SPRYD3: variants seen among roughly 807,000 people sequenced by gnomAD.
SPRYD3 encodes the protein SPRY domain-containing protein 3.
In SPRYD3, 17 loss-of-function variants were observed where a neutral mutation model predicts 50.1. The ratio of observed to expected loss-of-function variants is 0.34; its 90% CI spans 0.23 to 0.51. The LOEUF is 0.51. Ranked by LOEUF, SPRYD3 falls within the 20% of genes least tolerant of loss-of-function variation. SPRYD3 has a pLI of 0.97. For missense variants in SPRYD3, 401 were observed against 591.2 expected (o/e 0.68, Z 3.34); for synonymous variants, 198 against 215.5 (o/e 0.92, Z 0.71).
intron 6 of SPRYD3, 29 bp downstream of exon 6, chr12:53,073,257 C>CCCCCGGGGGGGGGGGGGGGGG: frequency 8.2e-6 from 3 of 363,996 alleles, no homozygotes; most frequent in Non-Finnish European, 1.5e-5. Context: ...TCCGACCCAG[C>CCCCCGGGGGGGGGGGGGGGGG]CCCTCCCACC....
intron 6 of SPRYD3, among the ~76,000 whole-genome samples, chr12:53,069,330 C>T (rs1395111054): frequency 6.6e-6 from 1 of 152,296 alleles, no homozygotes. Flanking sequence ...GGACCTCCTC[C>T]ACGTCTCCCT....
chr12:53,075,679 T>G, intron 3 of SPRYD3, 57 bp downstream of exon 3: 3 of 1,387,384 alleles, frequency 2.2e-6, no homozygotes, highest in Non-Finnish European at 3.1e-6. Context: ...TTCTTGGGGC[T>G]TAATGATCTC....
Position 53,066,457 on chromosome 12 carries a change from T to A in SPRYD3, c.1051A>T (p.Ile351Phe). Residue 351 changes from isoleucine (I) to phenylalanine (F), a missense_variant, in exon 10 of 11, where the codon ATC becomes TTC. Physicochemically the swap from Ile to Phe is conservative, Grantham distance 21. Coordinates refer to ENST00000301463, the MANE Select transcript of SPRYD3 (RefSeq NM_032840.3). The part of the protein sequence containing the change: ...GDSDDSCDTV[I>F]LSPTARAVRN... ...ACGGCCCGGGCAGTCGGAGACAGGATCACTGTGTCACAACTGTCATCACTG... is the reference window on the plus strand; with the variant it reads ...ACGGCCCGGGCAGTCGGAGACAGGAACACTGTGTCACAACTGTCATCACTG... 1 of 1,614,046 alleles carries A rather than the reference T, an allele frequency of 6.2e-7. No individual in the cohort carries two copies. Among genetic ancestry groups the A allele is most frequent in the Non-Finnish European group, 8.5e-7 (1 of 1,179,998 alleles).
intron 3 of SPRYD3, 100 bp from the exon 4 acceptor site, chr12:53,075,319 T>C: frequency 7.7e-7 from 1 of 1,292,040 alleles, no homozygotes; most frequent in Non-Finnish European, 1.1e-6. Context: ...GCGCTGAGGC[T>C]CAAAAAGAAA....
At chr12:53,073,256 G>GGC in intron 6 of SPRYD3, 30 bp downstream of exon 6, 1 of 424,134 alleles carries the variant, frequency 2.4e-6, no homozygotes, top group African/African-American at 2.2e-5. Context: ...CTCCGACCCA[G>GGC]CCCCTCCCAC....
rs1157454882 is a variant in SPRYD3 at position 53,065,280 on chromosome 12, G to A, written c.*552C>T. Reference sequence around the variant, plus strand: ...TCAAGGGAAAGATGGAGAGCCTAGAGGAGTCTTCCTGGGGCAGCAGCCAGT... The same window carrying A: ...TCAAGGGAAAGATGGAGAGCCTAGAAGAGTCTTCCTGGGGCAGCAGCCAGT... On this transcript the variant is annotated 3_prime_UTR_variant, in exon 11 of 11. Coordinates refer to ENST00000301463, the MANE Select transcript of SPRYD3 (RefSeq NM_032840.3). 5 of 153,000 alleles carry A rather than the reference G, an allele frequency of 3.3e-5. No individual in the cohort carries two copies. The highest frequency in any genetic ancestry group is 1.5e-5 in the Non-Finnish European group (1 of 68,376). 9.5% of individuals were successfully genotyped at this position (153,000 alleles called of 1,614,324 possible).
chr12:53,069,975 G>A (rs1944537588), intron 6 of SPRYD3, among the ~76,000 whole-genome samples: 1 of 152,190 alleles, frequency 6.6e-6, no homozygotes, highest in African/African-American at 2.4e-5. Context: ...CCTGATCCTT[G>A]GGAAATACCC....
intron 6 of SPRYD3, among the ~76,000 whole-genome samples, chr12:53,069,159 G>A (rs1944531576): frequency 6.6e-6 from 1 of 152,076 alleles, no homozygotes; most frequent in Non-Finnish European, 1.5e-5. Context: ...TTTGTCAGTT[G>A]TCATGGTAAT....
At chr12:53,075,036 C>T (rs753769535) in intron 4 of SPRYD3, 59 bp downstream of exon 4, 8 of 1,594,396 alleles carry the variant, frequency 5.0e-6, no homozygotes, top group Non-Finnish European at 5.2e-6. Context: ...GGTAGTTCTT[C>T]AGATCTAAGA....
intron 5 of SPRYD3, among the ~76,000 whole-genome samples, chr12:53,073,769 G>A (rs188964246): frequency 4.5e-4 from 68 of 151,846 alleles, no homozygotes; most frequent in African/African-American, 1.5e-3. Context: ...GCGTGAACCC[G>A]GGAGGCGGAG....
chr12:53,078,610 GTTCA>G (rs1944608022), intron 1 of SPRYD3, among the ~76,000 whole-genome samples: 2 of 152,184 alleles, frequency 1.3e-5, no homozygotes, highest in Admixed American at 1.3e-4. Flanking sequence ...TGTTGCAGCA[GTTCA>G]CATGAGAAAT....
At position 53,074,489 on chromosome 12, in the gene SPRYD3, G is replaced by A. The variant is rs771065452; in HGVS notation, c.507+160C>T. ...CCATGGGAAGTATCTTCTCCTACAC[G>A]CAAGAGACTTCAGGAGAATCTGAGG... On this transcript the variant is annotated intron_variant, in intron 5 of 10. Coordinates refer to ENST00000301463, the MANE Select transcript of SPRYD3 (RefSeq NM_032840.3). The surrounding 1 kb of genome is among the most constrained non-coding windows in gnomAD (Gnocchi z 4.6). 3.3e-5 allele frequency among the ~76,000 whole-genome samples: 5 copies of A among 152,154 alleles called. No homozygotes were observed. Among genetic ancestry groups the A allele is most frequent in the South Asian group, 2.1e-4 (1 of 4,830 alleles).
In SPRYD3 at chr12:53,074,599, T is replaced by C. The variant is rs1944574682; in HGVS notation, c.507+50A>G. ...ACTCTTCCTAATCACTCCCCACAAA[T>C]CCTTGGGCAGATTTCAGCCACGTAA... On this transcript the variant is annotated intron_variant, in intron 5 of 10. Transcript: ENST00000301463. The surrounding 1 kb of genome is among the most constrained non-coding windows in gnomAD (Gnocchi z 4.6). The C allele has an allele frequency of 6.2e-7, 1 of 1,612,058 alleles. No homozygotes were observed. Among genetic ancestry groups the C allele is most frequent in the African/African-American group, 1.3e-5 (1 of 74,904 alleles).
intron 6 of SPRYD3, among the ~76,000 whole-genome samples, chr12:53,069,338 C>T (rs937391614): frequency 6.6e-6 from 1 of 152,178 alleles, no homozygotes; most frequent in South Asian, 2.1e-4. Context: ...TCCACGTCTC[C>T]CTGGCAAGCT....
chr12:53,065,680 G>T lies in SPRYD3; in HGVS notation c.*152C>A. ...ACCAGGTCAGAAACGTGGGCACAGA[G>T]AAGCGTGACAGGGGCCTGAGCCAGT... is the stretch of plus-strand genomic sequence containing the variant. On this transcript the variant is annotated 3_prime_UTR_variant, in exon 11 of 11. Coordinates refer to ENST00000301463, the MANE Select transcript of SPRYD3 (RefSeq NM_032840.3). 2.6e-6 allele frequency: 2 copies of T among 778,482 alleles called. No individual in the cohort carries two copies. The highest frequency in any genetic ancestry group is 4.2e-6 in the Non-Finnish European group (2 of 472,586). The allele number at this position is 778,482 out of a possible 1,614,324, so 48.2% of individuals were successfully genotyped here.
chr12:53,070,060 C>T (rs879319495), intron 6 of SPRYD3, among the ~76,000 whole-genome samples: 4 of 152,148 alleles, frequency 2.6e-5, no homozygotes, highest in Admixed American at 1.3e-4. Context: ...GGTGGAGGTG[C>T]TTTCTCACGC....
intron 8 of SPRYD3, 133 bp downstream of exon 8, chr12:53,067,515 G>T: frequency 1.3e-6 from 1 of 784,604 alleles, no homozygotes; most frequent in Non-Finnish European, 2.2e-6. Context: ...CTAGCGATTT[G>T]GGAAGGGGAG....
At position 53,065,566 on chromosome 12, in the gene SPRYD3, A is replaced by T. The variant is rs757792338; in HGVS notation, c.*266T>A. On this transcript the variant is annotated 3_prime_UTR_variant, in exon 11 of 11. Coordinates refer to ENST00000301463, the MANE Select transcript of SPRYD3 (RefSeq NM_032840.3). ...ACCCAGAAGCCCACTGACCAAAGCG[A>T]GTGGGACCACCCACATACCAACACC... 2 of 425,592 alleles carry T rather than the reference A, an allele frequency of 4.7e-6. No individual in the cohort carries two copies. The highest frequency in any genetic ancestry group is 8.6e-6 in the Non-Finnish European group (2 of 233,900). The allele number at this position is 425,592 out of a possible 1,614,324, so 26.4% of individuals were successfully genotyped here. A position where few individuals can be genotyped will look rare whatever the true frequency, so the allele number is the denominator to read the frequency against.
intron 1 of SPRYD3, chr12:53,078,133 T>C (rs1312288734): frequency 2.2e-6 from 1 of 453,822 alleles, no homozygotes; most frequent in Non-Finnish European, 4.4e-6. Context: ...CAGTTCTGAT[T>C]GTGCCACTAC....
Sources: gnomAD v4.1 joint callset for allele counts (sites outside exome capture counted in the v4.1 genomes callset) on GRCh38, gnomAD v4.1.1 for gene constraint, Gnocchi (gnomAD v3.1) non-coding constraint, MANE v1.5 for transcripts, NCBI Gene and HGNC (gene_info 2026-07-23, HGNC 2026-07-21) for gene names.